SPATS2L: variants seen among roughly 807,000 people sequenced by gnomAD.
The protein encoded by SPATS2L is spermatogenesis associated serine rich 2 like, also known as SPATS2-like protein.
SPATS2L carries 30 observed loss-of-function variants against 59.6 expected under a neutral mutation model. The observed-to-expected ratio is 0.50, with a 90% CI of 0.38 to 0.68. SPATS2L has a LOEUF of 0.68. SPATS2L is among the 30% of genes least tolerant of loss of function. SPATS2L has a pLI of 0.00. For synonymous variants in SPATS2L, 252 were observed against 263.5 expected, an observed-to-expected ratio of 0.96 and a Z score of 0.42; for missense variants, 615 against 700.0, an observed-to-expected ratio of 0.88 and a Z score of 1.37.
intron 2 of SPATS2L, among the ~76,000 whole-genome samples, chr2:200,365,108 A>G (rs1204993660): frequency 6.6e-6 from 1 of 152,224 alleles, no homozygotes; most frequent in Non-Finnish European, 1.5e-5. Context: ...TGGGTCAGTC[A>G]GATTCCCAGG....
Position 200,372,218 on chromosome 2 carries a change from G to A in SPATS2L, c.-22-17005G>A, listed in dbSNP as rs538464062. 13 of 984,842 alleles carry A rather than the reference G, an allele frequency of 1.3e-5. No homozygotes were observed. The South Asian group carries it at 5.6e-4, about 43-fold the overall frequency. The allele number at this position is 984,842 out of a possible 1,614,324, so 61.0% of individuals were successfully genotyped here. The stretch of plus-strand genomic sequence containing the variant: ...TTGTTTCTCCCTTTGGAATTCTGGA[G>A]TTATAAGGCAGAGGTCCCCCATCTT... On this transcript the variant is annotated intron_variant, in intron 2 of 12. Coordinates refer to ENST00000409140, the MANE Select transcript of SPATS2L (RefSeq NM_001100423.2).
intron 2 of SPATS2L, among the ~76,000 whole-genome samples, chr2:200,361,074 A>ACCC (rs2081086659): frequency 1.0e-5 from 1 of 96,092 alleles, no homozygotes; most frequent in African/African-American, 4.3e-5. Flanking sequence ...ACTATTCCCC[A>ACCC]CCCCACCCCC....
chr2:200,363,211 A>G (rs527781292), intron 2 of SPATS2L, among the ~76,000 whole-genome samples: 7 of 152,320 alleles, frequency 4.6e-5, no homozygotes, highest in Non-Finnish European at 8.8e-5. Context: ...TTTTAATTAT[A>G]CTACTACTAC....
chr2:200,311,850 C>A (rs1376629785), intron 1 of SPATS2L, among the ~76,000 whole-genome samples: 1 of 152,016 alleles, frequency 6.6e-6, no homozygotes, highest in Non-Finnish European at 1.5e-5. Flanking sequence ...TGGAGGGAAT[C>A]TTCTTAGAAT....
At chr2:200,384,347 T>G (rs2081921541) in intron 2 of SPATS2L, among the ~76,000 whole-genome samples, 1 of 151,554 alleles carries the variant, frequency 6.6e-6, no homozygotes, top group Non-Finnish European at 1.5e-5. Flanking sequence ...TTTATTTATT[T>G]ATTTATTTAT....
At chr2:200,400,842 T>G (rs1223676708) in intron 3 of SPATS2L, among the ~76,000 whole-genome samples, 1 of 152,228 alleles carries the variant, frequency 6.6e-6, no homozygotes, top group Non-Finnish European at 1.5e-5. Context: ...GTTCAGTGAC[T>G]TGACAAAGTA....
intron 5 of SPATS2L, among the ~76,000 whole-genome samples, chr2:200,418,122 T>C (rs947402952): frequency 2.6e-5 from 4 of 152,176 alleles, no homozygotes; most frequent in Admixed American, 2.0e-4. Context: ...ATTTCAATTG[T>C]ATAAAATGCA....
intron 3 of SPATS2L, among the ~76,000 whole-genome samples, chr2:200,408,396 C>CAGCT (rs1188476736): frequency 6.6e-6 from 1 of 152,184 alleles, no homozygotes; most frequent in Non-Finnish European, 1.5e-5. Context: ...CCAGGAAGAG[C>CAGCT]AGCTGCCTGG....
intron 2 of SPATS2L, among the ~76,000 whole-genome samples, chr2:200,344,264 C>T (rs1242515842): frequency 2.0e-5 from 3 of 152,026 alleles, no homozygotes; most frequent in South Asian, 2.1e-4. Context: ...CTGTTGTTCT[C>T]ATGTGTCCAT....
chr2:200,377,175 C>A (rs1168208647), intron 2 of SPATS2L, among the ~76,000 whole-genome samples: 1 of 152,164 alleles, frequency 6.6e-6, no homozygotes, highest in East Asian at 1.9e-4. Flanking sequence ...CTATTATTAT[C>A]CCTATTTTAC....
At chr2:200,456,029 A>G (rs1314669905) in intron 8 of SPATS2L, among the ~76,000 whole-genome samples, 1 of 152,220 alleles carries the variant, frequency 6.6e-6, no homozygotes, top group Non-Finnish European at 1.5e-5. Flanking sequence ...GCCAAAGGAC[A>G]GGCTGGCTTT....
chr2:200,378,649 T>C (rs2081685859), intron 2 of SPATS2L, among the ~76,000 whole-genome samples: 1 of 152,212 alleles, frequency 6.6e-6, no homozygotes, highest in Admixed American at 6.5e-5. Flanking sequence ...GTGTTCTGAC[T>C]CAATGAACTA....
At chr2:200,474,117 T>G (rs1217097316) in intron 12 of SPATS2L, among the ~76,000 whole-genome samples, 1 of 150,276 alleles carries the variant, frequency 6.7e-6, no homozygotes, top group African/African-American at 2.4e-5. Context: ...TTTTTTTTTG[T>G]AAGACTTTAA....
intron 8 of SPATS2L, among the ~76,000 whole-genome samples, chr2:200,446,950 C>T (rs897776192): frequency 6.6e-6 from 1 of 152,146 alleles, no homozygotes; most frequent in Non-Finnish European, 1.5e-5. Flanking sequence ...AACAATTATA[C>T]TGAAGTGTAG....
intron 2 of SPATS2L, among the ~76,000 whole-genome samples, chr2:200,338,295 G>A (rs905288729): frequency 5.3e-5 from 8 of 152,196 alleles, no homozygotes; most frequent in African/African-American, 1.7e-4. Context: ...AAAGCATTAG[G>A]ATTACAGGTG....
chr2:200,466,189 T>C (rs546183771), intron 9 of SPATS2L, among the ~76,000 whole-genome samples: 19 of 152,340 alleles, frequency 1.2e-4, no homozygotes, highest in Admixed American at 1.0e-3. Context: ...TCAGAAATCA[T>C]ATTGTTTGGA....
At chr2:200,335,444 C>A (rs1439453961) in intron 2 of SPATS2L, among the ~76,000 whole-genome samples, 1 of 151,980 alleles carries the variant, frequency 6.6e-6, no homozygotes, top group African/African-American at 2.4e-5. Context: ...GAGAAAGGAC[C>A]TGGAGGGCTT....
intron 6 of SPATS2L, among the ~76,000 whole-genome samples, chr2:200,438,268 G>A (rs1297981248): frequency 1.3e-5 from 2 of 152,038 alleles, no homozygotes; most frequent in African/African-American, 4.8e-5. Context: ...CCAGAACTTG[G>A]TTCTCCTAGA....
chr2:200,397,372 C>G (rs1476324342), intron 3 of SPATS2L, among the ~76,000 whole-genome samples: 1 of 152,128 alleles, frequency 6.6e-6, no homozygotes, highest in Non-Finnish European at 1.5e-5. Flanking sequence ...TTAAATTATT[C>G]AGTTTTTACG....
Sources: gnomAD v4.1 joint callset for allele counts (sites outside exome capture counted in the v4.1 genomes callset) on GRCh38, gnomAD v4.1.1 for gene constraint, MANE v1.5 for transcripts, NCBI Gene and HGNC (gene_info 2026-07-23, HGNC 2026-07-21) for gene names.